The following EXOC2 variants were observed in gnomAD, a reference collection of about 807,000 sequenced individuals.
EXOC2 encodes SEC5-like 1.
EXOC2 carries 70 observed loss-of-function variants against 131.8 expected under a neutral mutation model. The observed-to-expected ratio is 0.53, with a 90% CI of 0.44 to 0.65. EXOC2 has a LOEUF of 0.65. Among genes scored for constraint, EXOC2 ranks in the 30% least tolerant of loss-of-function variants. The probability of loss-of-function intolerance (pLI) is 0.00; values close to 1 mark genes in which losing one functional copy is unlikely to be tolerated. For synonymous variants in EXOC2, 411 were observed against 398.4 expected (o/e 1.03, Z -0.38); for missense variants, 923 against 1,108.6 (o/e 0.83, Z 2.38).
At chr6:604,806 C>T (rs1208158400) in intron 7 of EXOC2, among the ~76,000 whole-genome samples, 1 of 151,598 alleles carries the variant, frequency 6.6e-6, no homozygotes, top group South Asian at 2.1e-4. Flanking sequence ...CGCGGGGACA[C>T]ACCTGCCTCC....
At chr6:612,814 T>C (rs1370932436) in intron 6 of EXOC2, among the ~76,000 whole-genome samples, 1 of 152,208 alleles carries the variant, frequency 6.6e-6, no homozygotes, top group African/African-American at 2.4e-5. Flanking sequence ...TTTCGGCTTT[T>C]TACCCCAGTG....
chr6:599,569 A>AAC (rs2127642263), intron 7 of EXOC2, among the ~76,000 whole-genome samples: 1 of 152,250 alleles, frequency 6.6e-6, no homozygotes, highest in Non-Finnish European at 1.5e-5. Context: ...AATAGGGTAA[A>AAC]ACACACACAT....
chr6:629,730 T>G (rs933114757), intron 4 of EXOC2, 105 bp downstream of exon 4: 35 of 1,402,034 alleles, frequency 2.5e-5, no homozygotes, highest in Non-Finnish European at 2.7e-5. Flanking sequence ...TGTCTTCAAC[T>G]GTGTTTCCTG....
intron 22 of EXOC2, among the ~76,000 whole-genome samples, chr6:546,878 A>C (rs1311357662): frequency 6.6e-6 from 1 of 152,226 alleles, no homozygotes; most frequent in East Asian, 1.9e-4. Context: ...TAGATTTTCG[A>C]CTGCACAGGG....
intron 25 of EXOC2, among the ~76,000 whole-genome samples, chr6:495,887 C>T (rs148170364): frequency 4.4e-4 from 67 of 151,026 alleles, no homozygotes; most frequent in African/African-American, 1.5e-3. Flanking sequence ...TCGAGAGCTC[C>T]GCTTGCTTTT....
rs1004987764 is a variant in EXOC2 at position 513,297 on chromosome 6, C to T, written c.2381-13597G>A. On this transcript the variant is annotated intron_variant, in intron 23 of 27. Coordinates refer to ENST00000230449, the MANE Select transcript of EXOC2 (RefSeq NM_018303.6). Reference sequence around the variant, plus strand: ...GTGCAGTGCGGCTGCACACGGCCCACGTGTCCACGAGCAGCACAGCCCCAG... The same window carrying T: ...GTGCAGTGCGGCTGCACACGGCCCATGTGTCCACGAGCAGCACAGCCCCAG... Among the ~76,000 whole-genome samples, 17 of 152,366 alleles carry T rather than the reference C, an allele frequency of 1.1e-4. No homozygotes were observed. In the East Asian group the frequency reaches 1.9e-3, roughly 17 times the overall value.
chr6:630,513 T>A (rs968645015), intron 3 of EXOC2, among the ~76,000 whole-genome samples: 4 of 152,248 alleles, frequency 2.6e-5, no homozygotes, highest in Non-Finnish European at 5.9e-5. Flanking sequence ...TATGCATATA[T>A]GATTTTATAT....
At chr6:650,510 T>A (rs980806276) in intron 1 of EXOC2, among the ~76,000 whole-genome samples, 2 of 152,242 alleles carry the variant, frequency 1.3e-5, no homozygotes, top group Non-Finnish European at 2.9e-5. Context: ...TTTTACTGTA[T>A]AATTACACAA....
At chr6:549,325 T>C (rs759604134) in intron 21 of EXOC2, 34 bp from the exon 22 acceptor site, 7 of 1,497,278 alleles carry the variant, frequency 4.7e-6, no homozygotes, top group Middle Eastern at 1.7e-4. Context: ...AAAATCACCT[T>C]TATGGTGCCA....
At position 521,281 on chromosome 6, in the gene EXOC2, G is replaced by A. The variant is rs557288307; in HGVS notation, c.2380+11188C>T. 1.5e-4 allele frequency among the ~76,000 whole-genome samples: 22 copies of A among 151,684 alleles called. No individual in the cohort carries two copies. In the East Asian group the frequency reaches 2.7e-3, roughly 19 times the overall value. On this transcript the variant is annotated intron_variant, in intron 23 of 27. Coordinates refer to ENST00000230449, the MANE Select transcript of EXOC2 (RefSeq NM_018303.6). ...TCGGAGACGAAAACCACCACCCACC[G>A]AGCGCCGACACTCACCGTCCACACT... is the stretch of plus-strand genomic sequence containing the variant.
In EXOC2 at chr6:615,178, TGTGG is replaced by T. The variant is rs1197268662; in HGVS notation, c.661+2529_661+2532del. On this transcript the variant is annotated intron_variant, in intron 6 of 27. Coordinates refer to ENST00000230449, the MANE Select transcript of EXOC2 (RefSeq NM_018303.6). ...TAGAGGTTTGAAAAGTATATGTGGG[TGTGG>T]GTGTGTGTGTGTGTGTGTGTGTGTG... is the stretch of plus-strand genomic sequence containing the variant. Among the ~76,000 whole-genome samples the T allele has an allele frequency of 2.6e-3, 277 of 105,238 alleles. 2 individuals carry two copies. Among genetic ancestry groups the T allele is most frequent in the African/African-American group, 0.016 (258 of 16,564 alleles). 69.0% of individuals were successfully genotyped at this position (105,238 alleles called of 152,430 possible).
intron 17 of EXOC2, among the ~76,000 whole-genome samples, chr6:558,629 T>G (rs1757544896): frequency 6.6e-6 from 1 of 152,072 alleles, no homozygotes; most frequent in South Asian, 2.1e-4. Context: ...CTGGCCAACA[T>G]GATGAAACCC....
intron 1 of EXOC2, among the ~76,000 whole-genome samples, chr6:688,645 T>C (rs1424440157): frequency 6.6e-6 from 1 of 152,214 alleles, no homozygotes; most frequent in Non-Finnish European, 1.5e-5. Context: ...ACTACTTCTC[T>C]GGCAACAGTC....
At chr6:551,211 C>G (rs78691442) in intron 21 of EXOC2, among the ~76,000 whole-genome samples, 2,526 of 152,296 alleles carry the variant, frequency 0.017, 43 homozygotes, top group African/African-American at 0.042. Flanking sequence ...TGATCCCCCA[C>G]GTTCCGTTCA....
At chr6:492,483 A>C (rs1040684641) in intron 25 of EXOC2, among the ~76,000 whole-genome samples, 19 of 152,344 alleles carry the variant, frequency 1.2e-4, no homozygotes, top group African/African-American at 3.8e-4. Context: ...CTGCATATTA[A>C]TCAAAGGTGG....
intron 23 of EXOC2, among the ~76,000 whole-genome samples, chr6:503,550 C>T (rs576121063): frequency 3.3e-5 from 5 of 152,162 alleles, no homozygotes; most frequent in African/African-American, 4.8e-5. Context: ...TCTCTTGTAA[C>T]TGCTAAGTGT....
At chr6:553,750 T>C (rs961867097) in intron 21 of EXOC2, 104 bp downstream of exon 21, 1 of 875,194 alleles carries the variant, frequency 1.1e-6, no homozygotes, top group African/African-American at 1.7e-5. Flanking sequence ...CAGTGTCCTA[T>C]ACCACGTGCT....
At position 555,298 on chromosome 6, in the gene EXOC2, A is replaced by T; in HGVS notation, c.1993-10T>A. 1 of 1,524,700 alleles carries T rather than the reference A, an allele frequency of 6.6e-7. No homozygotes were observed. Among genetic ancestry groups the T allele is most frequent in the Non-Finnish European group, 8.9e-7 (1 of 1,121,836 alleles). 94.4% of individuals were successfully genotyped at this position (1,524,700 alleles called of 1,614,324 possible). A position where few individuals can be genotyped will look rare whatever the true frequency, so the allele number is the denominator to read the frequency against. On this transcript the variant is annotated splice_polypyrimidine_tract_variant and intron_variant, in intron 19 of 27. Coordinates refer to ENST00000230449, the MANE Select transcript of EXOC2 (RefSeq NM_018303.6). Reference sequence around the variant, plus strand: ...GACAGTATATAAAAACCTAAGTGAAAACATAAGTTTCAGAACTCTCAGAGG... The same window carrying T: ...GACAGTATATAAAAACCTAAGTGAATACATAAGTTTCAGAACTCTCAGAGG...
chr6:500,438 T>C (rs1000509455), intron 23 of EXOC2, among the ~76,000 whole-genome samples: 1 of 152,196 alleles, frequency 6.6e-6, no homozygotes, highest in African/African-American at 2.4e-5. Flanking sequence ...CAAACCCCAG[T>C]TTCGACAGCT....
Sources: allele counts gnomAD v4.1 joint callset (sites outside exome capture counted in the v4.1 genomes callset), GRCh38; gene constraint gnomAD v4.1.1; transcripts MANE v1.5; gene names NCBI Gene and HGNC (gene_info 2026-07-23, HGNC 2026-07-21).